Variants in CSMD3 observed in about 807,000 individuals in gnomAD.
CSMD3 encodes CUB and Sushi multiple domains 3.
Under a neutral mutation model 435.2 loss-of-function variants are expected in CSMD3, and 177 were observed. That is an observed-to-expected ratio of 0.41 (90% CI 0.36 to 0.46). The LOEUF (loss-of-function observed/expected upper bound fraction) is 0.46. CSMD3 is among the 20% of genes least tolerant of loss of function. The probability of loss-of-function intolerance (pLI) is 0.34; values close to 1 mark genes in which losing one functional copy is unlikely to be tolerated. For missense variants in CSMD3, 4,265 were observed against 4,504.6 expected, an observed-to-expected ratio of 0.95 and a Z score of 1.52; for synonymous variants, 1,656 against 1,520.5, an observed-to-expected ratio of 1.09 and a Z score of -2.07.
At chr8:112,500,025 C>T (rs1375843924) in intron 30 of CSMD3, among the ~76,000 whole-genome samples, 1 of 152,074 alleles carries the variant, frequency 6.6e-6, no homozygotes, top group Non-Finnish European at 1.5e-5. Flanking sequence ...ACGAGAATTG[C>T]TTGAATCCGG....
At chr8:113,196,546 T>C (rs1217845565) in intron 3 of CSMD3, among the ~76,000 whole-genome samples, 1 of 151,254 alleles carries the variant, frequency 6.6e-6, no homozygotes, top group African/African-American at 2.4e-5. Flanking sequence ...TGAAACACTT[T>C]CACAAAAGTT....
intron 57 of CSMD3, 75 bp downstream of exon 57, chr8:112,289,290 G>T: frequency 8.6e-7 from 1 of 1,163,134 alleles, no homozygotes; most frequent in Non-Finnish European, 1.3e-6. Context: ...AGATTGTTTT[G>T]TGTATACGTT....
intron 36 of CSMD3, 129 bp from the exon 37 acceptor site, chr8:112,383,792 G>C: frequency 1.4e-6 from 1 of 699,214 alleles, no homozygotes; most frequent in Admixed American, 2.2e-5. Flanking sequence ...TCATAGAAGG[G>C]TTTTTAACAG....
chr8:112,973,449 G>A (rs1345877373), intron 7 of CSMD3, among the ~76,000 whole-genome samples: 2 of 151,618 alleles, frequency 1.3e-5, no homozygotes, highest in Non-Finnish European at 3.0e-5. Context: ...CTATGTCCTC[G>A]ACTCTATTGC....
At chr8:112,709,004 GTC>G (rs1356402168) in intron 13 of CSMD3, among the ~76,000 whole-genome samples, 1 of 151,980 alleles carries the variant, frequency 6.6e-6, no homozygotes, top group African/African-American at 2.4e-5. Context: ...CTGCGTTTAA[GTC>G]TCTGCCAAAG....
chr8:112,736,531 G>A (rs2077188716), intron 13 of CSMD3, among the ~76,000 whole-genome samples: 1 of 151,880 alleles, frequency 6.6e-6, no homozygotes, highest in Non-Finnish European at 1.5e-5. Flanking sequence ...TTCACTGCTT[G>A]GCAAATGCTC....
intron 58 of CSMD3, among the ~76,000 whole-genome samples, chr8:112,285,549 TA>T (rs780075833): frequency 1.3e-5 from 2 of 152,168 alleles, no homozygotes; most frequent in Non-Finnish European, 2.9e-5. Flanking sequence ...AATTATCTTC[TA>T]TTTACAAAAC....
chr8:112,820,287 C>G (rs1460099447), intron 12 of CSMD3, among the ~76,000 whole-genome samples: 1 of 151,968 alleles, frequency 6.6e-6, no homozygotes, highest in African/African-American at 2.4e-5. Flanking sequence ...TAGGTATGAA[C>G]AAAGTGAAAG....
chr8:113,139,101 AT>A (rs2091486916), intron 4 of CSMD3, among the ~76,000 whole-genome samples: 1 of 151,056 alleles, frequency 6.6e-6, no homozygotes, highest in Admixed American at 6.6e-5. Flanking sequence ...AACAAAAAAA[AT>A]CACACAATCT....
At chr8:112,849,118 T>C (rs977134801) in intron 11 of CSMD3, among the ~76,000 whole-genome samples, 11 of 152,124 alleles carry the variant, frequency 7.2e-5, no homozygotes, top group African/African-American at 2.7e-4. Context: ...TTAAGACTTC[T>C]ACTAAGCTAG....
chr8:113,261,780 A>C (rs2093429428), intron 3 of CSMD3, among the ~76,000 whole-genome samples: 1 of 152,110 alleles, frequency 6.6e-6, no homozygotes, highest in Non-Finnish European at 1.5e-5. Flanking sequence ...ATTGAAAGAC[A>C]CCTCCAAACA....
At chr8:113,164,342 C>T (rs2092107332) in intron 4 of CSMD3, among the ~76,000 whole-genome samples, 2 of 150,524 alleles carry the variant, frequency 1.3e-5, no homozygotes, top group African/African-American at 4.9e-5. Context: ...AATAATTTAG[C>T]TTTGAATACT....
chr8:113,399,104 T>C (rs200064684), intron 1 of CSMD3, among the ~76,000 whole-genome samples: 1,400 of 74,978 alleles, frequency 0.019, 21 homozygotes, highest in African/African-American at 0.069. Context: ...TATATATATA[T>C]ATACACACAC....
At chr8:112,548,765 A>C (rs1827414720) in intron 27 of CSMD3, among the ~76,000 whole-genome samples, 1 of 152,156 alleles carries the variant, frequency 6.6e-6, no homozygotes. Context: ...TCTCTAGCCA[A>C]GAGGTTAATT....
intron 2 of CSMD3, among the ~76,000 whole-genome samples, chr8:113,287,396 T>C (rs191092254): frequency 2.1e-3 from 326 of 152,142 alleles, no homozygotes; most frequent in Non-Finnish European, 3.9e-3. Context: ...GCTGTTCTGT[T>C]AAAATAAATC....
At chr8:112,577,728 C>T (rs1486505726) in intron 23 of CSMD3, among the ~76,000 whole-genome samples, 1 of 151,944 alleles carries the variant, frequency 6.6e-6, no homozygotes, top group African/African-American at 2.4e-5. Flanking sequence ...TAAATCTAGG[C>T]CTGAAATTAG....
At chr8:112,936,417 C>A (rs1465345343) in intron 9 of CSMD3, among the ~76,000 whole-genome samples, 1 of 152,054 alleles carries the variant, frequency 6.6e-6, no homozygotes, top group East Asian at 1.9e-4. Flanking sequence ...ACAAAATTTA[C>A]ATATACATAA....
At position 112,568,519 on chromosome 8, in the gene CSMD3, C is replaced by G. The variant is rs146652928; in HGVS notation, c.4042+4982G>C. On this transcript the variant is annotated intron_variant, in intron 24 of 70. Transcript: ENST00000297405. Reference sequence around the variant, plus strand: ...CTGAGGCAGGAGAATTGCTCGAACCCAGAAGACAGAGATTCCAGCCTGGGC... The same window carrying G: ...CTGAGGCAGGAGAATTGCTCGAACCGAGAAGACAGAGATTCCAGCCTGGGC... Among the ~76,000 whole-genome samples the G allele has an allele frequency of 6.4e-3, 944 of 146,668 alleles. 9 individuals are homozygous for G. The highest frequency in any genetic ancestry group is 0.023 in the African/African-American group (896 of 39,382).
At chr8:112,642,274 C>T (rs6415461) in intron 20 of CSMD3, among the ~76,000 whole-genome samples, 53,592 of 151,574 alleles carry the variant, frequency 0.35, 10,152 homozygotes, top group African/African-American at 0.5. Context: ...AAGGGTTTTT[C>T]CTGATGTACA....
Sources: allele counts gnomAD v4.1 joint callset (sites outside exome capture counted in the v4.1 genomes callset), GRCh38; gene constraint gnomAD v4.1.1; transcripts MANE v1.5; gene names NCBI Gene and HGNC (gene_info 2026-07-23, HGNC 2026-07-21).